PRIMA1: variants seen among roughly 807,000 people sequenced by gnomAD.
The protein encoded by PRIMA1 is proline-rich membrane anchor 1.
In PRIMA1, 7 loss-of-function variants were observed where a neutral mutation model predicts 17.5. The observed-to-expected ratio is 0.40, with a 90% CI of 0.23 to 0.75. The LOEUF is 0.75. PRIMA1 is among the 30% of genes least tolerant of loss of function. PRIMA1 has a pLI of 0.37. For missense variants in PRIMA1, 200 were observed against 201.8 expected, an observed-to-expected ratio of 0.99 and a Z score of 0.05; for synonymous variants, 97 against 77.9, an observed-to-expected ratio of 1.25 and a Z score of -1.29.
At chr14:93,767,567 G>A (rs777190523) in intron 3 of PRIMA1, among the ~76,000 whole-genome samples, 14 of 152,186 alleles carry the variant, frequency 9.2e-5, no homozygotes, top group Admixed American at 6.5e-4. Flanking sequence ...CATCACAGCC[G>A]ATGCTGGGAA....
chr14:93,762,597 A>C (rs1451063312), intron 3 of PRIMA1, among the ~76,000 whole-genome samples: 1 of 151,658 alleles, frequency 6.6e-6, no homozygotes, highest in African/African-American at 2.4e-5. Context: ...GGTGGCTGTC[A>C]CCTGTCCCCC....
chr14:93,745,795 G>A (rs986072196), intron 3 of PRIMA1, among the ~76,000 whole-genome samples: 10 of 152,238 alleles, frequency 6.6e-5, no homozygotes, highest in Middle Eastern at 3.2e-3. Context: ...TTATCCACAC[G>A]GGCTTTGAAT....
chr14:93,736,804 G>A (rs1023751484), intron 4 of PRIMA1, among the ~76,000 whole-genome samples: 6 of 152,166 alleles, frequency 3.9e-5, no homozygotes, highest in African/African-American at 1.2e-4. Context: ...CTCTAATTTT[G>A]GGAGTCAGGA....
chr14:93,787,350 T>C (rs1011047677), intron 2 of PRIMA1, among the ~76,000 whole-genome samples: 13 of 152,240 alleles, frequency 8.5e-5, no homozygotes, highest in Non-Finnish European at 1.8e-4. Flanking sequence ...ATTTCTGCCC[T>C]AGAATGTTAT....
intron 3 of PRIMA1, among the ~76,000 whole-genome samples, chr14:93,746,328 A>G (rs1474673121): frequency 6.6e-6 from 1 of 151,820 alleles, no homozygotes; most frequent in Non-Finnish European, 1.5e-5. Flanking sequence ...GCTGGGGTGC[A>G]GGGTTGGGGG....
chr14:93,770,374 T>C (rs566071799), intron 3 of PRIMA1, among the ~76,000 whole-genome samples: 40 of 152,340 alleles, frequency 2.6e-4, no homozygotes, highest in Non-Finnish European at 5.3e-4. Flanking sequence ...CACGGCCCTG[T>C]GCGGTCCGGG....
chr14:93,746,609 AG>A (rs923023042), intron 3 of PRIMA1, among the ~76,000 whole-genome samples: 1 of 151,852 alleles, frequency 6.6e-6, no homozygotes, highest in African/African-American at 2.4e-5. Flanking sequence ...GACTTAAGAG[AG>A]GGTGGTGAAT....
chr14:93,763,968 C>T (rs1884811064), intron 3 of PRIMA1, among the ~76,000 whole-genome samples: 1 of 152,134 alleles, frequency 6.6e-6, no homozygotes, highest in Admixed American at 6.5e-5. Flanking sequence ...AAGCCTGGGA[C>T]TCGGGATCTC....
At chr14:93,748,088 G>A (rs147652226) in intron 3 of PRIMA1, among the ~76,000 whole-genome samples, 253 of 152,008 alleles carry the variant, frequency 1.7e-3, no homozygotes, top group African/African-American at 5.3e-3. Flanking sequence ...GTGTGAGTGC[G>A]TATGAGTGTG....
chr14:93,733,258 G>A (rs1049488739), intron 4 of PRIMA1, among the ~76,000 whole-genome samples: 5 of 152,212 alleles, frequency 3.3e-5, no homozygotes, highest in African/African-American at 1.2e-4. Flanking sequence ...TGGGCAAGGT[G>A]CCCCTCCTCT....
chr14:93,749,813 C>T (rs978068115), intron 3 of PRIMA1, among the ~76,000 whole-genome samples: 1 of 152,168 alleles, frequency 6.6e-6, no homozygotes, highest in African/African-American at 2.4e-5. Flanking sequence ...GAGGCCAAGG[C>T]AGGAGGATAG....
At chr14:93,759,782 C>T (rs535174244) in intron 3 of PRIMA1, among the ~76,000 whole-genome samples, 2 of 152,300 alleles carry the variant, frequency 1.3e-5, no homozygotes, top group South Asian at 2.1e-4. Flanking sequence ...CACAGACCAG[C>T]GAGAGCAAGC....
At chr14:93,776,048 A>G (rs1432470109) in intron 3 of PRIMA1, among the ~76,000 whole-genome samples, 1 of 152,182 alleles carries the variant, frequency 6.6e-6, no homozygotes, top group African/African-American at 2.4e-5. Flanking sequence ...CTTCCTAGGG[A>G]TATTACTGCC....
At chr14:93,728,647 G>C (rs962572054) in intron 4 of PRIMA1, among the ~76,000 whole-genome samples, 2 of 152,134 alleles carry the variant, frequency 1.3e-5, no homozygotes, top group Admixed American at 1.3e-4. Flanking sequence ...AGCATGTCTG[G>C]AGAGATGGGT....
chr14:93,755,036 T>C (rs2076282434), intron 3 of PRIMA1, among the ~76,000 whole-genome samples: 1 of 152,104 alleles, frequency 6.6e-6, no homozygotes, highest in African/African-American at 2.4e-5. Flanking sequence ...GGAACTGACA[T>C]TCCCAATTCT....
At chr14:93,786,655 A>G (rs899161127) in intron 2 of PRIMA1, among the ~76,000 whole-genome samples, 4 of 152,176 alleles carry the variant, frequency 2.6e-5, no homozygotes, top group Non-Finnish European at 5.9e-5. Flanking sequence ...CTCAATGCCC[A>G]AAACAATGAA....
intron 3 of PRIMA1, among the ~76,000 whole-genome samples, chr14:93,758,696 G>A (rs910152856): frequency 1.3e-5 from 2 of 152,062 alleles, no homozygotes; most frequent in African/African-American, 2.4e-5. Flanking sequence ...AGACACTCTT[G>A]TCTTCCAGCC....
intron 3 of PRIMA1, among the ~76,000 whole-genome samples, chr14:93,763,059 C>T (rs1303626295): frequency 6.6e-6 from 1 of 152,238 alleles, no homozygotes; most frequent in Non-Finnish European, 1.5e-5. Flanking sequence ...TTGCTGCCTC[C>T]AGCACACTGG....
rs146522386 is a variant in PRIMA1 at position 93,775,082 on chromosome 14, G to A, written c.229+4094C>T. 1.4e-3 allele frequency among the ~76,000 whole-genome samples: 217 copies of A among 152,322 alleles called. 2 individuals carry two copies. The highest frequency in any genetic ancestry group is 5.1e-3 in the African/African-American group (213 of 41,568). ...CCCTGTGTGACTCTGTATCCCTCAG[G>A]ATGCCCAACGCAGGGTTGGACCTAG... On this transcript the variant is annotated intron_variant, in intron 3 of 4. Transcript: ENST00000393140.
Sources: gnomAD v4.1 joint callset for allele counts (sites outside exome capture counted in the v4.1 genomes callset) on GRCh38, gnomAD v4.1.1 for gene constraint, MANE v1.5 for transcripts, NCBI Gene and HGNC (gene_info 2026-07-23, HGNC 2026-07-21) for gene names.